Variants in EFCAB13 observed in about 807,000 individuals in gnomAD.
EFCAB13 encodes the protein EF-hand calcium binding domain 13, also known as EF-hand calcium-binding domain-containing protein 13.
EFCAB13 carries 91 observed loss-of-function variants against 110.2 expected under a neutral mutation model. The ratio of observed to expected loss-of-function variants is 0.83; its 90% CI spans 0.70 to 0.98. EFCAB13 has a LOEUF of 0.98. EFCAB13 is among the 50% of genes least tolerant of loss of function. EFCAB13 has a pLI of 0.00. For synonymous variants in EFCAB13, 323 were observed against 369.9 expected (o/e 0.87, Z 1.45); for missense variants, 968 against 1,119.4 (o/e 0.86, Z 1.93).
At chr17:47,366,319 T>G (rs1041791269) in intron 10 of EFCAB13, among the ~76,000 whole-genome samples, 1 of 151,968 alleles carries the variant, frequency 6.6e-6, no homozygotes, top group Non-Finnish European at 1.5e-5. Context: ...TAGCAGTTTT[T>G]TTTTTTTTTC....
intron 9 of EFCAB13, among the ~76,000 whole-genome samples, chr17:47,352,367 G>A (rs2065458451): frequency 6.6e-6 from 1 of 152,052 alleles, no homozygotes; most frequent in African/African-American, 2.4e-5. Context: ...ACCAGTGTAT[G>A]TTTTTGTCAA....
intron 12 of EFCAB13, among the ~76,000 whole-genome samples, chr17:47,375,329 C>A (rs1397785570): frequency 1.3e-5 from 2 of 152,148 alleles, no homozygotes; most frequent in African/African-American, 2.4e-5. Context: ...CTCACTCTGT[C>A]AACCAGGCTG....
Position 47,397,552 on chromosome 17 carries a change from C to T in EFCAB13, c.1945+1575C>T, listed in dbSNP as rs1403565005. ...GAGCATCTCTGCCCGGCCGCCATCC[C>T]ATCTAGGAAGTGAGGAGCGCCTCTT... On this transcript the variant is annotated intron_variant, in intron 17 of 24. Coordinates refer to ENST00000331493, the MANE Select transcript of EFCAB13 (RefSeq NM_152347.5). Among the ~76,000 whole-genome samples the T allele has an allele frequency of 3.3e-5, 5 of 151,472 alleles. No homozygotes were observed. The East Asian group carries it at 9.8e-4, about 30-fold the overall frequency.
intron 21 of EFCAB13, among the ~76,000 whole-genome samples, chr17:47,411,056 G>C (rs2065831884): frequency 6.6e-6 from 1 of 152,128 alleles, no homozygotes; most frequent in African/African-American, 2.4e-5. Context: ...CCAGGACCTA[G>C]CAGAGTCCTG....
At chr17:47,385,970 CAA>C (rs886185716) in intron 14 of EFCAB13, among the ~76,000 whole-genome samples, 8 of 152,158 alleles carry the variant, frequency 5.3e-5, no homozygotes, top group African/African-American at 1.9e-4. Flanking sequence ...TGCAGAACAG[CAA>C]AGATTGCTGT....
intron 12 of EFCAB13, among the ~76,000 whole-genome samples, chr17:47,375,197 G>A (rs553660784): frequency 6.6e-6 from 1 of 152,260 alleles, no homozygotes; most frequent in Non-Finnish European, 1.5e-5. Flanking sequence ...GGGATTATAG[G>A]CGTGAACCAC....
At chr17:47,420,050 T>C (rs1200625987) in intron 23 of EFCAB13, among the ~76,000 whole-genome samples, 1 of 152,078 alleles carries the variant, frequency 6.6e-6, no homozygotes, top group African/African-American at 2.4e-5. Flanking sequence ...CCTCCCTGCC[T>C]GATTCTCCTG....
Position 47,395,893 on chromosome 17 carries a change from G to A in EFCAB13, c.1861G>A (p.Asp621Asn), listed in dbSNP as rs1433569041. Residue 621 changes from aspartate to asparagine, a missense_variant, in exon 17 of 25, where the codon GAC becomes AAC. Transcript: ENST00000331493. ...DLRKETMSVS[D>N]LWNTLSSLNS... is the part of the protein sequence containing the mutation. ...CAGAAAGGAGACGATGAGTGTTTCT[G>A]ACCTGTGGAATACTCTGTCTAGTTT... 1.2e-6 allele frequency: 2 copies of A among 1,611,146 alleles called. No homozygotes were observed.
chr17:47,377,273 T>C (rs1323973443), intron 12 of EFCAB13, among the ~76,000 whole-genome samples: 1 of 152,192 alleles, frequency 6.6e-6, no homozygotes, highest in Non-Finnish European at 1.5e-5. Context: ...GTGATCCTTC[T>C]GCCTCAGCCT....
In EFCAB13 at chr17:47,377,921, CTG is replaced by C; in HGVS notation, c.1510+19_1510+20del. ...TAGAAATGGTGAGAGACTGATAACA[CTG>C]AAGTTTCTGAGAAAGTTAGATATTT... On this transcript the variant is annotated intron_variant, in intron 13 of 24. Transcript: ENST00000331493. 6.4e-7 allele frequency: 1 copy of C among 1,552,096 alleles called. No homozygotes were observed. The highest frequency in any genetic ancestry group is 8.6e-7 in the Non-Finnish European group (1 of 1,159,074).
intron 23 of EFCAB13, among the ~76,000 whole-genome samples, chr17:47,425,781 A>C (rs189913829): frequency 4.6e-5 from 7 of 152,364 alleles, no homozygotes; most frequent in Admixed American, 3.3e-4. Flanking sequence ...TTAAGTAGGT[A>C]CTATCTGACA....
intron 17 of EFCAB13, among the ~76,000 whole-genome samples, chr17:47,397,782 C>G (rs1311879740): frequency 7.3e-5 from 11 of 151,386 alleles, no homozygotes; most frequent in Non-Finnish European, 1.6e-4. Flanking sequence ...CTGGCAACCG[C>G]CCGTCTGAGA....
At chr17:47,384,075 C>A (rs868210900) in intron 14 of EFCAB13, among the ~76,000 whole-genome samples, 35 of 151,770 alleles carry the variant, frequency 2.3e-4, no homozygotes, top group Middle Eastern at 6.9e-3. Context: ...TGCATTAATC[C>A]CTTCTTTGTC....
intron 23 of EFCAB13, among the ~76,000 whole-genome samples, chr17:47,421,215 G>A (rs1317573352): frequency 6.6e-6 from 1 of 152,020 alleles, no homozygotes; most frequent in East Asian, 1.9e-4. Context: ...GGGGAAAGGT[G>A]GGGAAAAGAT....
intron 4 of EFCAB13, among the ~76,000 whole-genome samples, chr17:47,332,096 G>C (rs1378310258): frequency 6.6e-6 from 1 of 152,102 alleles, no homozygotes; most frequent in African/African-American, 2.4e-5. Context: ...AAGTGCAATA[G>C]TTGGATTGTA....
intron 11 of EFCAB13, among the ~76,000 whole-genome samples, chr17:47,374,148 A>C (rs1315083640): frequency 6.6e-6 from 1 of 152,164 alleles, no homozygotes; most frequent in Non-Finnish European, 1.5e-5. Flanking sequence ...TATCTGTATT[A>C]GCTTATTAAT....
At chr17:47,355,422 A>T (rs891620073) in intron 9 of EFCAB13, among the ~76,000 whole-genome samples, 1 of 152,124 alleles carries the variant, frequency 6.6e-6, no homozygotes, top group African/African-American at 2.4e-5. Flanking sequence ...GGATGTCTAG[A>T]TCTCTGACAA....
chr17:47,390,484 A>G (rs892073920), intron 14 of EFCAB13, among the ~76,000 whole-genome samples: 1 of 152,138 alleles, frequency 6.6e-6, no homozygotes, highest in Non-Finnish European at 1.5e-5. Context: ...TTTGTAAGTA[A>G]TTTCCTTTAA....
At position 47,440,879 on chromosome 17, in the gene EFCAB13, G is replaced by A; in HGVS notation, c.*165G>A. The A allele has an allele frequency of 1.9e-6, 1 of 526,992 alleles. No individual in the cohort carries two copies. Among genetic ancestry groups the A allele is most frequent in the East Asian group, 3.4e-5 (1 of 29,456 alleles). The allele number at this position is 526,992 out of a possible 1,614,324, so 32.6% of individuals were successfully genotyped here. A position where few individuals can be genotyped will look rare whatever the true frequency, so the allele number is the denominator to read the frequency against. ...CTCATGTATCTTCAGCGACTCTCTT[G>A]ATCACACTTTTTAAACATTCATGCT... On this transcript the variant is annotated 3_prime_UTR_variant, in exon 25 of 25. Coordinates refer to ENST00000331493, the MANE Select transcript of EFCAB13 (RefSeq NM_152347.5).
Sources: allele counts gnomAD v4.1 joint callset (sites outside exome capture counted in the v4.1 genomes callset), GRCh38; gene constraint gnomAD v4.1.1; transcripts MANE v1.5; gene names NCBI Gene and HGNC (gene_info 2026-07-23, HGNC 2026-07-21).